EBF1: variants seen among roughly 807,000 people sequenced by gnomAD.
EBF1 encodes the protein EBF transcription factor 1, also known as transcription factor COE1.
EBF1 carries 10 observed loss-of-function variants against 68.4 expected under a neutral mutation model. The ratio of observed to expected loss-of-function variants is 0.15; its 90% CI spans 0.09 to 0.25. The LOEUF is 0.25. EBF1 is among the 10% of genes least tolerant of loss of function. The probability of loss-of-function intolerance (pLI) is 1.00; values close to 1 mark genes in which losing one functional copy is unlikely to be tolerated. For missense variants in EBF1, 509 were observed against 794.4 expected, an observed-to-expected ratio of 0.64 and a Z score of 4.32; for synonymous variants, 298 against 299.8, an observed-to-expected ratio of 0.99 and a Z score of 0.06.
chr5:158,801,324 G>T (rs1393688765), intron 8 of EBF1, among the ~76,000 whole-genome samples: 1 of 152,134 alleles, frequency 6.6e-6, no homozygotes, highest in Non-Finnish European at 1.5e-5. Flanking sequence ...AAGATTATGT[G>T]TGTGCTTTTA....
At chr5:159,072,396 A>G (rs1350105326) in intron 6 of EBF1, among the ~76,000 whole-genome samples, 1 of 152,244 alleles carries the variant, frequency 6.6e-6, no homozygotes, top group Non-Finnish European at 1.5e-5. Flanking sequence ...CAAGCCCAAA[A>G]AAGGTAGAAA....
chr5:159,024,252 C>T (rs1279016471), intron 6 of EBF1, among the ~76,000 whole-genome samples: 10 of 152,150 alleles, frequency 6.6e-5, no homozygotes, highest in Admixed American at 5.9e-4. Flanking sequence ...CTGGAAGACT[C>T]TTCCTGAGAA....
chr5:158,803,960 GT>G (rs1461348107), intron 8 of EBF1, among the ~76,000 whole-genome samples: 2 of 146,984 alleles, frequency 1.4e-5, no homozygotes, highest in African/African-American at 5.1e-5. Flanking sequence ...CTGTGTGTGT[GT>G]GTGTGTGTGT....
intron 6 of EBF1, among the ~76,000 whole-genome samples, chr5:159,052,289 G>A (rs4424032): frequency 7.0e-6 from 1 of 142,460 alleles, no homozygotes; most frequent in Admixed American, 7.1e-5. Context: ...TCAAATCAAA[G>A]AGAAAAACAC....
At chr5:158,901,649 A>T (rs981292759) in intron 6 of EBF1, among the ~76,000 whole-genome samples, 1 of 152,240 alleles carries the variant, frequency 6.6e-6, no homozygotes, top group Non-Finnish European at 1.5e-5. Context: ...TTACCAAGAA[A>T]TATTTGGGGT....
chr5:158,744,171 T>C (rs879319253), intron 10 of EBF1, among the ~76,000 whole-genome samples: 8 of 149,006 alleles, frequency 5.4e-5, no homozygotes, highest in African/African-American at 2.0e-4. Context: ...ACCAGAAGCT[T>C]AGGAAAAAGA....
intron 6 of EBF1, among the ~76,000 whole-genome samples, chr5:158,994,293 A>C (rs950384416): frequency 2.6e-5 from 4 of 152,216 alleles, no homozygotes; most frequent in Non-Finnish European, 5.9e-5. Flanking sequence ...AAGTACAATG[A>C]GCGATCTGAT....
intron 6 of EBF1, among the ~76,000 whole-genome samples, chr5:158,858,829 T>C (rs985837947): frequency 2.6e-5 from 4 of 152,080 alleles, no homozygotes; most frequent in African/African-American, 9.7e-5. Context: ...GATCTTTTGG[T>C]GTGGAAGTAG....
chr5:158,926,655 C>T (rs1809759484), intron 6 of EBF1, among the ~76,000 whole-genome samples: 1 of 149,022 alleles, frequency 6.7e-6, no homozygotes, highest in East Asian at 2.0e-4. Flanking sequence ...ACCCAGGAGG[C>T]AGAGGTGGCA....
chr5:158,796,193 C>A, intron 9 of EBF1, 152 bp downstream of exon 9: 1 of 810,926 alleles, frequency 1.2e-6, no homozygotes, highest in Non-Finnish European at 1.7e-6. Flanking sequence ...AAACCCAAAC[C>A]AACTCTTCTA....
rs562468336 is a variant in EBF1 at position 159,096,692 on chromosome 5, C to T, written c.291+282G>A. The T allele has an allele frequency of 4.0e-3, 2,398 of 605,296 alleles. 18 individuals are homozygous for T. The highest frequency in any genetic ancestry group is 6.0e-3 in the Non-Finnish European group (2,057 of 344,192). The allele number at this position is 605,296 out of a possible 1,614,324, so 37.5% of individuals were successfully genotyped here. A position where few individuals can be genotyped will look rare whatever the true frequency, so the allele number is the denominator to read the frequency against. On this transcript the variant is annotated intron_variant, in intron 2 of 15. Transcript: ENST00000313708. ...CCACCAGAGGCAGGCGGTGCGTAAT[C>T]TGGTAGTGGAGGGCGGGTTCATTCC...
At chr5:158,764,567 C>T (rs922162217) in intron 10 of EBF1, among the ~76,000 whole-genome samples, 1 of 152,090 alleles carries the variant, frequency 6.6e-6, no homozygotes, top group African/African-American at 2.4e-5. Context: ...CTTCAGGAAG[C>T]TTATAATCTA....
chr5:158,838,763 T>G (rs2127957044), intron 7 of EBF1, among the ~76,000 whole-genome samples: 1 of 152,354 alleles, frequency 6.6e-6, no homozygotes. Context: ...AATCTACACT[T>G]AAAGCTGACT....
intron 6 of EBF1, among the ~76,000 whole-genome samples, chr5:158,858,310 G>A (rs1477630810): frequency 6.6e-6 from 1 of 152,134 alleles, no homozygotes; most frequent in Non-Finnish European, 1.5e-5. Context: ...CAGCAGACCC[G>A]CCTGACACAT....
At chr5:158,832,428 A>G (rs1234469578) in intron 7 of EBF1, among the ~76,000 whole-genome samples, 1 of 152,236 alleles carries the variant, frequency 6.6e-6, no homozygotes, top group African/African-American at 2.4e-5. Context: ...CTGTATTCTG[A>G]AACTATCATT....
chr5:158,841,458 A>T (rs1253928840), intron 6 of EBF1, among the ~76,000 whole-genome samples: 2 of 152,236 alleles, frequency 1.3e-5, no homozygotes, highest in African/African-American at 2.4e-5. Context: ...TCAGGCCGAA[A>T]TGTTTCCTAA....
At chr5:158,748,735 T>C (rs1009747905) in intron 10 of EBF1, among the ~76,000 whole-genome samples, 3 of 152,130 alleles carry the variant, frequency 2.0e-5, no homozygotes, top group Non-Finnish European at 1.5e-5. Flanking sequence ...CCTTGCAAAA[T>C]TGACGTCCTC....
At chr5:158,809,818 A>T (rs992541668) in intron 8 of EBF1, among the ~76,000 whole-genome samples, 1 of 152,214 alleles carries the variant, frequency 6.6e-6, no homozygotes, top group Non-Finnish European at 1.5e-5. Context: ...AGTATCAGGC[A>T]GTTCCTTTTA....
intron 10 of EBF1, among the ~76,000 whole-genome samples, chr5:158,763,500 A>G (rs1423416760): frequency 6.6e-6 from 1 of 152,210 alleles, no homozygotes; most frequent in African/African-American, 2.4e-5. Context: ...TCAGAGGTCA[A>G]GAAAACCCCC....
Sources: allele counts gnomAD v4.1 joint callset (sites outside exome capture counted in the v4.1 genomes callset), GRCh38; gene constraint gnomAD v4.1.1; transcripts MANE v1.5; gene names NCBI Gene and HGNC (gene_info 2026-07-23, HGNC 2026-07-21).